Variants in RFC3 observed in about 807,000 individuals in gnomAD.
The protein encoded by RFC3 is A1 38 kDa subunit.
In RFC3, 41 loss-of-function variants were observed where a neutral mutation model predicts 45.1. The ratio of observed to expected loss-of-function variants is 0.91; its 90% confidence interval spans 0.71 to 1.18. RFC3 has a LOEUF of 1.18. Ranked by LOEUF, RFC3 falls within the 50% of genes most tolerant of loss-of-function variation. RFC3 has a pLI of 0.00. For missense variants in RFC3, 423 were observed against 428.1 expected, an observed-to-expected ratio of 0.99 and a Z score of 0.10; for synonymous variants, 149 against 144.0, an observed-to-expected ratio of 1.03 and a Z score of -0.25.
At chr13:33,824,084 C>G (rs1057350322) in intron 3 of RFC3, 100 bp downstream of exon 3, 16 of 576,076 alleles carry the variant, frequency 2.8e-5, no homozygotes, top group South Asian at 2.5e-5. Flanking sequence ...TAAATTGATA[C>G]GTGTGGAAGC....
rs1403028436 is a variant in RFC3 at position 33,834,150 on chromosome 13, A to G, written c.810-998A>G. ...ACATAGCAGATGCCCCAGAAATGCT[A>G]GTTCTTTTTTTTTTTCCCCCACTTT... On this transcript the variant is annotated intron_variant, in intron 7 of 8. Transcript: ENST00000380071. Among the ~76,000 whole-genome samples, 5 of 149,512 alleles carry G rather than the reference A, an allele frequency of 3.3e-5. No individual in the cohort carries two copies. The South Asian group carries it at 8.4e-4, about 25-fold the overall frequency.
At chr13:33,877,205 T>TCA (rs1391749509) in intron 8 of RFC3, among the ~76,000 whole-genome samples, 1 of 152,158 alleles carries the variant, frequency 6.6e-6, no homozygotes, top group Non-Finnish European at 1.5e-5. Flanking sequence ...TTAGCCAAAG[T>TCA]CACACAGCAT....
rs560469853 is a variant in RFC3, at chr13:33,832,909, A to G, written c.809+1555A>G. 3.0e-4 allele frequency among the ~76,000 whole-genome samples: 46 copies of G among 152,326 alleles called. 1 individual carries two copies. Among genetic ancestry groups the G allele is most frequent in the Admixed American group, 2.5e-3 (38 of 15,304 alleles). On this transcript the variant is annotated intron_variant, in intron 7 of 8. Transcript: ENST00000380071. ...TTTGATAATTATCACGTGCTTTTATAAAACTACTTGATTATTCCTTTGCTT... is the reference window on the plus strand; with the variant it reads ...TTTGATAATTATCACGTGCTTTTATGAAACTACTTGATTATTCCTTTGCTT...
exon 9 of RFC3, chr13:33,966,381 A>G: frequency 2.0e-6 from 1 of 510,732 alleles, no homozygotes; most frequent in Non-Finnish European, 3.5e-6. Context: ...TAATGATCAG[A>G]TGAACTCATG....
At chr13:33,892,415 C>T (rs2082569384) in intron 8 of RFC3, among the ~76,000 whole-genome samples, 1 of 152,212 alleles carries the variant, frequency 6.6e-6, no homozygotes, top group Non-Finnish European at 1.5e-5. Flanking sequence ...CTGAAAACAT[C>T]TTATATCCTT....
At chr13:33,822,445 A>C (rs562356217) in intron 2 of RFC3, among the ~76,000 whole-genome samples, 207 of 152,332 alleles carry the variant, frequency 1.4e-3, no homozygotes, top group Non-Finnish European at 2.4e-3. Context: ...AGACTAGCTA[A>C]AGTAATTATG....
the RFC3 span, among the ~76,000 whole-genome samples, chr13:33,974,674 A>T: frequency 7.9e-5 from 12 of 152,226 alleles, no homozygotes; most frequent in Admixed American, 3.9e-4. Context: ...GATTTATCAG[A>T]ATAGATTTTA....
At chr13:33,883,466 G>T (rs1325955754) in intron 8 of RFC3, among the ~76,000 whole-genome samples, 4 of 152,146 alleles carry the variant, frequency 2.6e-5, no homozygotes, top group African/African-American at 7.2e-5. Context: ...CATCTTGATT[G>T]TGGTGGTAGC....
rs1365719412 is a variant in RFC3, at chr13:33,836,686, G to C, written c.*391G>C. 1 of 988,242 alleles carries C rather than the reference G, an allele frequency of 1.0e-6. No individual in the cohort carries two copies. Among genetic ancestry groups the C allele is most frequent in the Non-Finnish European group, 1.2e-6 (1 of 831,818 alleles). 61.2% of individuals were successfully genotyped at this position (988,242 alleles called of 1,614,324 possible). On this transcript the variant is annotated 3_prime_UTR_variant, in exon 9 of 9. Coordinates refer to ENST00000380071, the MANE Select transcript of RFC3 (RefSeq NM_002915.4). ...ATTTTCTGCCACAGGTAACATGATT[G>C]TTTGACACACCATTATATTTAATTC...
chr13:33,940,430 A>C (rs1593707155), intron 8 of RFC3, among the ~76,000 whole-genome samples: 1 of 152,190 alleles, frequency 6.6e-6, no homozygotes. Flanking sequence ...TTCTTCAAAA[A>C]TTTGCTTTAT....
At chr13:33,932,148 T>C (rs2082856622) in intron 8 of RFC3, among the ~76,000 whole-genome samples, 2 of 152,246 alleles carry the variant, frequency 1.3e-5, no homozygotes, top group East Asian at 1.9e-4. Context: ...AAATTTACCA[T>C]CTCAATAGTC....
intron 8 of RFC3, among the ~76,000 whole-genome samples, chr13:33,924,185 A>G (rs1247537297): frequency 6.6e-6 from 1 of 152,168 alleles, no homozygotes; most frequent in Non-Finnish European, 1.5e-5. Flanking sequence ...ACTTTAAAAG[A>G]CAAGTGTAGA....
intron 8 of RFC3, among the ~76,000 whole-genome samples, chr13:33,898,901 C>T (rs924660127): frequency 3.3e-5 from 5 of 151,482 alleles, no homozygotes; most frequent in East Asian, 1.9e-4. Flanking sequence ...TTGGAAAAGC[C>T]GGAAGAAATA....
At chr13:33,941,925 A>T (rs1008723059) in intron 8 of RFC3, among the ~76,000 whole-genome samples, 1 of 152,222 alleles carries the variant, frequency 6.6e-6, no homozygotes, top group African/African-American at 2.4e-5. Context: ...GTTGTTTTAT[A>T]CATTTTAAAA....
rs141602767 is a variant in RFC3, at chr13:33,927,328, T to C, written c.880-38759T>C. On this transcript the variant is annotated intron_variant, in intron 8 of 8. Coordinates refer to the RFC3 transcript ENST00000434425. Reference sequence around the variant, plus strand: ...GACCAAAGGGAAAGTTAGGGTTTTATTGGGGGAAAGAGGGGGTTATGCAAG... The same window carrying C: ...GACCAAAGGGAAAGTTAGGGTTTTACTGGGGGAAAGAGGGGGTTATGCAAG... 2.5e-3 allele frequency among the ~76,000 whole-genome samples: 375 copies of C among 152,196 alleles called. 1 individual carries two copies. Among genetic ancestry groups the C allele is most frequent in the African/African-American group, 8.7e-3 (361 of 41,556 alleles).
chr13:33,879,252 A>G (rs528462147), intron 8 of RFC3, among the ~76,000 whole-genome samples: 1 of 152,244 alleles, frequency 6.6e-6, no homozygotes, highest in African/African-American at 2.4e-5. Context: ...TATTATTGCT[A>G]TCATAAATGA....
At chr13:33,840,060 C>T (rs1273487048), downstream of RFC3, among the ~76,000 whole-genome samples, 2 of 152,236 alleles carry the variant, frequency 1.3e-5, no homozygotes, top group South Asian at 2.1e-4. Context: ...TAGTTTCCAA[C>T]AGTTTGAGTA....
intron 8 of RFC3, among the ~76,000 whole-genome samples, chr13:33,908,209 C>G (rs925646995): frequency 1.3e-5 from 2 of 151,610 alleles, no homozygotes; most frequent in African/African-American, 4.8e-5. Flanking sequence ...ATCAGTTTGG[C>G]AGTTGTTTTA....
At chr13:33,971,855 TA>T in the RFC3 span, among the ~76,000 whole-genome samples, 4 of 152,242 alleles carry the variant, frequency 2.6e-5, no homozygotes, top group Admixed American at 2.0e-4. Flanking sequence ...CTCACGCCTG[TA>T]ATCCTAGTAC....
Sources: gnomAD v4.1 joint callset for allele counts (sites outside exome capture counted in the v4.1 genomes callset) on GRCh38, gnomAD v4.1.1 for gene constraint, MANE v1.5 for transcripts, NCBI Gene and HGNC (gene_info 2026-07-23, HGNC 2026-07-21) for gene names.